Variants in RELL1 observed in about 807,000 individuals in gnomAD.
RELL1 encodes the protein RELT-like protein 1.
A neutral mutation model predicts 23.0 loss-of-function variants in RELL1; 10 were observed. The ratio of observed to expected loss-of-function variants is 0.43; its 90% CI spans 0.27 to 0.74. The LOEUF (loss-of-function observed/expected upper bound fraction) is 0.74, where lower values mean the gene tolerates loss of function less well. RELL1 is among the 30% of genes least tolerant of loss of function. The pLI is 0.19. For missense variants in RELL1, 315 were observed against 364.4 expected (o/e 0.86, Z 1.10); for synonymous variants, 146 against 146.8 (o/e 0.99, Z 0.04).
intron 1 of RELL1, among the ~76,000 whole-genome samples, chr4:37,659,631 T>G (rs1369794140): frequency 6.6e-6 from 1 of 152,166 alleles, no homozygotes; most frequent in Non-Finnish European, 1.5e-5. Context: ...ACAAGTCACT[T>G]CACCTCCCTG....
chr4:37,663,006 C>G (rs889443725), intron 1 of RELL1, among the ~76,000 whole-genome samples: 1 of 152,200 alleles, frequency 6.6e-6, no homozygotes, highest in Non-Finnish European at 1.5e-5. Flanking sequence ...CAGGAAGCCA[C>G]CAACTGTGCC....
At chr4:37,598,078 A>T (rs201110769) in intron 6 of RELL1, among the ~76,000 whole-genome samples, 4 of 126,752 alleles carry the variant, frequency 3.2e-5, no homozygotes, top group East Asian at 2.2e-4. Flanking sequence ...TATATATCAT[A>T]ATATATATAT....
rs529594921 is a variant in RELL1 at position 37,661,030 on chromosome 4, C to CA, written c.89-11531dup. On this transcript the variant is annotated intron_variant, in intron 1 of 6. Coordinates refer to ENST00000454158, the MANE Select transcript of RELL1 (RefSeq NM_001085400.2). The stretch of plus-strand genomic sequence containing the variant: ...TGGGTGACAGAGTGAGACTCTGTCT[C>CA]AAAAAAAAAAAACAAAAAACAAAAA... Among the ~76,000 whole-genome samples the CA allele has an allele frequency of 7.7e-3, 840 of 108,424 alleles. 5 individuals are homozygous for CA. The highest frequency in any genetic ancestry group is 0.038 in the South Asian group (127 of 3,350). 71.1% of individuals were successfully genotyped at this position (108,424 alleles called of 152,430 possible). A position where few individuals can be genotyped will look rare whatever the true frequency, so the allele number is the denominator to read the frequency against.
At chr4:37,659,895 G>T (rs576233735) in intron 1 of RELL1, among the ~76,000 whole-genome samples, 1 of 152,230 alleles carries the variant, frequency 6.6e-6, no homozygotes, top group South Asian at 2.1e-4. Flanking sequence ...TCAAGATCAA[G>T]AATGGCTCTG....
At chr4:37,682,795 G>A (rs1157902027) in intron 1 of RELL1, among the ~76,000 whole-genome samples, 2 of 152,202 alleles carry the variant, frequency 1.3e-5, no homozygotes, top group Non-Finnish European at 1.5e-5. Flanking sequence ...CTAAAAAGGA[G>A]TCAGAATGCT....
At chr4:37,604,552 G>GTACC (rs1719102307) in intron 6 of RELL1, among the ~76,000 whole-genome samples, 1 of 151,166 alleles carries the variant, frequency 6.6e-6, no homozygotes, top group African/African-American at 2.4e-5. Context: ...ATCCTATGAG[G>GTACC]TACCACACAG....
At chr4:37,590,402 C>A (rs1249339905), downstream of RELL1, 1 of 1,613,664 alleles carries the variant, frequency 6.2e-7, no homozygotes, top group Non-Finnish European at 8.5e-7. Flanking sequence ...TCCAGCCCCA[C>A]CCAGGATGAC....
At chr4:37,586,619 A>C (rs903387485), downstream of RELL1, among the ~76,000 whole-genome samples, 1 of 152,206 alleles carries the variant, frequency 6.6e-6, no homozygotes, top group Non-Finnish European at 1.5e-5. Flanking sequence ...GGTTTAAAAA[A>C]ATGGAAGCAG....
chr4:37,663,673 G>A (rs1721432803), intron 1 of RELL1, among the ~76,000 whole-genome samples: 1 of 152,192 alleles, frequency 6.6e-6, no homozygotes, highest in Non-Finnish European at 1.5e-5. Flanking sequence ...TCAATAACAA[G>A]CCTCGGTGTG....
intron 6 of RELL1, among the ~76,000 whole-genome samples, chr4:37,617,344 A>T (rs1383997298): frequency 6.6e-6 from 1 of 152,250 alleles, no homozygotes; most frequent in Non-Finnish European, 1.5e-5. Context: ...CTGATTAAAA[A>T]CAGCAAGAAT....
chr4:37,605,257 A>G (rs74730345), intron 6 of RELL1, among the ~76,000 whole-genome samples: 1,862 of 152,224 alleles, frequency 0.012, 37 homozygotes, highest in African/African-American at 0.042. Flanking sequence ...GTGTGTGTGT[A>G]TGTATATATG....
At chr4:37,590,472 A>C (rs143777851), downstream of RELL1, 167 of 1,610,928 alleles carry the variant, frequency 1.0e-4, no homozygotes, top group African/African-American at 2.1e-3. Flanking sequence ...TCCTGGAAGG[A>C]GGGGGCACCA....
intron 3 of RELL1, among the ~76,000 whole-genome samples, chr4:37,639,245 G>A (rs990236456): frequency 1.3e-5 from 2 of 151,952 alleles, no homozygotes; most frequent in African/African-American, 4.8e-5. Context: ...TTAGCTGGGC[G>A]TGGTGGCAGG....
downstream of RELL1, among the ~76,000 whole-genome samples, chr4:37,605,867 AGAAAG>A (rs1719198127): frequency 1.4e-5 from 2 of 147,806 alleles, no homozygotes; most frequent in Non-Finnish European, 3.0e-5. Context: ...GAAAAGAAAG[AGAAAG>A]GAAAGAAGGA....
At chr4:37,661,042 A>C (rs1231695503) in intron 1 of RELL1, among the ~76,000 whole-genome samples, 2 of 151,562 alleles carry the variant, frequency 1.3e-5, no homozygotes, top group African/African-American at 4.9e-5. Context: ...AAAAAAAAAA[A>C]CAAAAAACAA....
intron 1 of RELL1, among the ~76,000 whole-genome samples, chr4:37,673,449 C>T (rs1210570183): frequency 6.6e-6 from 1 of 152,110 alleles, no homozygotes; most frequent in Non-Finnish European, 1.5e-5. Flanking sequence ...GCCTCAGCAT[C>T]CCAAAGTGCT....
intron 1 of RELL1, among the ~76,000 whole-genome samples, chr4:37,668,605 G>C (rs1721630122): frequency 6.6e-6 from 1 of 152,148 alleles, no homozygotes; most frequent in Admixed American, 6.5e-5. Context: ...GCCTCCCAAA[G>C]TGGCGAGATT....
At chr4:37,625,924 G>A (rs1719921582) in intron 6 of RELL1, among the ~76,000 whole-genome samples, 1 of 151,808 alleles carries the variant, frequency 6.6e-6, no homozygotes, top group Admixed American at 6.6e-5. Flanking sequence ...AAATTGTAAT[G>A]GGCAAAGATT....
At chr4:37,681,255 C>A (rs1046118230) in intron 1 of RELL1, among the ~76,000 whole-genome samples, 4 of 152,176 alleles carry the variant, frequency 2.6e-5, no homozygotes, top group African/African-American at 9.7e-5. Flanking sequence ...ATATGTGGTC[C>A]ACATTTATTT....
Sources: allele counts gnomAD v4.1 joint callset (sites outside exome capture counted in the v4.1 genomes callset), GRCh38; gene constraint gnomAD v4.1.1; transcripts MANE v1.5; gene names NCBI Gene and HGNC (gene_info 2026-07-23, HGNC 2026-07-21).